VASP: variants seen among roughly 807,000 people sequenced by gnomAD.
VASP encodes vasodilator stimulated phosphoprotein.
VASP carries 27 observed loss-of-function variants against 54.4 expected under a neutral mutation model. The ratio of observed to expected loss-of-function variants is 0.50; its 90% CI spans 0.37 to 0.68. The LOEUF is 0.68. Ranked by LOEUF, VASP falls within the 30% of genes least tolerant of loss-of-function variation. The pLI is 0.00. For synonymous variants in VASP, 233 were observed against 209.8 expected (o/e 1.11, Z -0.96); for missense variants, 488 against 528.3 (o/e 0.92, Z 0.75).
rs1968969068 is a variant in VASP at position 45,526,327 on chromosome 19, G to C, written c.*150G>C. On this transcript the variant is annotated 3_prime_UTR_variant, in exon 13 of 13. Transcript: ENST00000245932. ...ATCCCACTTGGAAAACTCCAAGGGG[G>C]TGTGGCTTCCCTGCTCACACCCACA... The C allele has an allele frequency of 1.0e-6, 1 of 992,478 alleles. No individual in the cohort carries two copies. The allele number at this position is 992,478 out of a possible 1,614,324, so 61.5% of individuals were successfully genotyped here.
At position 45,524,666 on chromosome 19, in the gene VASP, T is replaced by C. The variant is rs372631889; in HGVS notation, c.1047+6T>C. On this transcript the variant is annotated splice_donor_region_variant and intron_variant, in intron 11 of 12. Transcript: ENST00000245932. ...ACCTACAGAGGGTGAAACAGGTAACTTGGGGGGGAAGTTGGGGACCACAGC... is the reference window on the plus strand; with the variant it reads ...ACCTACAGAGGGTGAAACAGGTAACCTGGGGGGGAAGTTGGGGACCACAGC... The C allele has an allele frequency of 5.6e-5, 90 of 1,613,222 alleles. No individual in the cohort carries two copies. The highest frequency in any genetic ancestry group is 4.6e-4 in the South Asian group (42 of 91,052).
Position 45,518,012 on chromosome 19 carries a change from G to A in VASP, c.261G>A (p.Gln87=). Residue 87 remains glutamine (Q), a synonymous_variant, in exon 3 of 13, where the codon CAG becomes CAA. Transcript: ENST00000245932. ...TCCATCAGTGGCGCGACGCTCGCCA[G>A]GTCTGGGGCCTCAACTTCGGCAGCA... The part of the protein sequence containing the change: ...PNFHQWRDAR[Q]VWGLNFGSKE... 1 of 1,613,998 alleles carries A rather than the reference G, an allele frequency of 6.2e-7. No individual in the cohort carries two copies. The highest frequency in any genetic ancestry group is 8.5e-7 in the Non-Finnish European group (1 of 1,179,996).
In VASP at chr19:45,526,538, T is replaced by A. The variant is rs1312760406; in HGVS notation, c.*361T>A. 3 of 180,368 alleles carry A rather than the reference T, an allele frequency of 1.7e-5. No individual in the cohort carries two copies. In the East Asian group the frequency reaches 4.2e-4, roughly 25 times the overall value. The allele number at this position is 180,368 out of a possible 1,614,324, so 11.2% of individuals were successfully genotyped here. On this transcript the variant is annotated 3_prime_UTR_variant, in exon 13 of 13. Coordinates refer to ENST00000245932, the MANE Select transcript of VASP (RefSeq NM_003370.4). ...ACTTTAACGCTTAATGCCTTCAAAG[T>A]TTTGGTTTTTTTAAGAAAAAAAAAT...
At chr19:45,509,370 G>GC (rs1291271301) in intron 1 of VASP, among the ~76,000 whole-genome samples, 2 of 148,406 alleles carry the variant, frequency 1.3e-5, no homozygotes, top group African/African-American at 2.5e-5. Flanking sequence ...CTCTCCCCTT[G>GC]CCCCCCAGCC....
chr19:45,511,104 C>T (rs1413766167), intron 1 of VASP, among the ~76,000 whole-genome samples: 1 of 152,062 alleles, frequency 6.6e-6, no homozygotes, highest in Admixed American at 6.6e-5. Context: ...AACTGAGGCC[C>T]ACCAGGAGGA....
intron 1 of VASP, among the ~76,000 whole-genome samples, chr19:45,517,151 A>G (rs1408381539): frequency 6.7e-6 from 1 of 150,096 alleles, no homozygotes; most frequent in African/African-American, 2.4e-5. Flanking sequence ...CAAAAATAAA[A>G]ATAATAATAA....
At chr19:45,517,038 G>A (rs2122306991) in intron 1 of VASP, among the ~76,000 whole-genome samples, 1 of 145,020 alleles carries the variant, frequency 6.9e-6, no homozygotes, top group South Asian at 2.2e-4. Context: ...CATGCTTGTA[G>A]TCCCAGCTAC....
At chr19:45,513,262 GTGAGGGAGTCTTGCTC>G in intron 1 of VASP, among the ~76,000 whole-genome samples, 1 of 151,874 alleles carries the variant, frequency 6.6e-6, no homozygotes, top group South Asian at 2.1e-4. Flanking sequence ...GTCTTGCTCT[GTGAGGGAGTCTTGCTC>G]TGTTGCCCAG....
intron 4 of VASP, 131 bp downstream of exon 4, chr19:45,521,537 C>CA (rs1443992717): frequency 4.9e-5 from 38 of 781,120 alleles, no homozygotes; most frequent in Non-Finnish European, 7.3e-5. Flanking sequence ...TTCTGACACT[C>CA]AGAGTTGCAG....
Position 45,523,807 on chromosome 19 carries a change from G to C in VASP, c.874-34G>C. On this transcript the variant is annotated intron_variant, in intron 8 of 12. Transcript: ENST00000245932. ...AGAGGAAATGGGCAGAGGTGTGGCAGGGGCTGGCTCATGGCAGTTTTATTT... is the reference window on the plus strand; with the variant it reads ...AGAGGAAATGGGCAGAGGTGTGGCACGGGCTGGCTCATGGCAGTTTTATTT... 3 of 1,614,078 alleles carry C rather than the reference G, an allele frequency of 1.9e-6. No homozygotes were observed. The South Asian group carries it at 3.3e-5, about 18-fold the overall frequency.
chr19:45,521,356 C>G lies in VASP; in HGVS notation c.378C>G (p.Thr126=), dbSNP rs1049799891. The change falls in exon 4 of 13, where the codon ACC becomes ACG. Residue 126 remains threonine (T), a synonymous_variant. Transcript: ENST00000245932. ...GGPPPPPALP[T]WSVPNGPSPE... Reference sequence around the variant, plus strand: ...CCCCTCCACCCCCAGCACTTCCCACCTGGTCGGTCCCGAACGGCCCCTCCC... The same window carrying G: ...CCCCTCCACCCCCAGCACTTCCCACGTGGTCGGTCCCGAACGGCCCCTCCC... The G allele has an allele frequency of 6.3e-7, 1 of 1,582,888 alleles. No individual in the cohort carries two copies. The highest frequency in any genetic ancestry group is 8.6e-7 in the Non-Finnish European group (1 of 1,164,588).
Position 45,507,891 on chromosome 19 carries a change from G to T in VASP, c.5+115G>T, listed in dbSNP as rs1165539189. 7.9e-6 allele frequency: 5 copies of T among 636,234 alleles called. No homozygotes were observed. The highest frequency in any genetic ancestry group is 1.2e-5 in the Non-Finnish European group (5 of 409,912). The allele number at this position is 636,234 out of a possible 1,614,324, so 39.4% of individuals were successfully genotyped here. ...GGAATTTGGGGACAGATCCTTGGGA[G>T]CCTCGGATTTGAGCTGAATCCCCTT... is the stretch of plus-strand genomic sequence containing the variant. On this transcript the variant is annotated intron_variant, in intron 1 of 12. Coordinates refer to ENST00000245932, the MANE Select transcript of VASP (RefSeq NM_003370.4). This position sits in a 1 kb window ranked among gnomAD's most constrained non-coding sequence, Gnocchi z 4.4.
At position 45,517,813 on chromosome 19, in the gene VASP, G is replaced by A. The variant is rs1367204658; in HGVS notation, c.156G>A (p.Arg52=). 2 of 1,613,666 alleles carry A rather than the reference G, an allele frequency of 1.2e-6. No homozygotes were observed. The highest frequency in any genetic ancestry group is 1.3e-5 in the African/African-American group (1 of 74,922). Residue 52 remains arginine, a synonymous_variant, in exon 2 of 13, where the codon CGG becomes CGA. Transcript: ENST00000245932. Reference sequence around the variant, plus strand: ...CCAATTCCTTTCGCGTCGTGGGCCGGAAGATGCAGCCCGACCAGCAGGTGC... The same window carrying A: ...CCAATTCCTTTCGCGTCGTGGGCCGAAAGATGCAGCCCGACCAGCAGGTGC... ...PTANSFRVVG[R]KMQPDQQVVI...
At chr19:45,524,344 GCGAGCCATCATCATGCCTGCA>G (rs946654963) in intron 10 of VASP, 2 of 696,560 alleles carry the variant, frequency 2.9e-6, no homozygotes, top group Admixed American at 2.4e-5. Flanking sequence ...TGAGGCCTCA[GCGAGCCATCATCATGCCTGCA>G]CTCCAGCCTG....
intron 1 of VASP, among the ~76,000 whole-genome samples, chr19:45,509,357 C>G (rs1452046209): frequency 6.6e-6 from 1 of 151,782 alleles, no homozygotes; most frequent in Non-Finnish European, 1.5e-5. Flanking sequence ...CTCCGGGACT[C>G]TTCTCTCCCC....
intron 8 of VASP, 57 bp from the exon 9 acceptor site, chr19:45,523,784 A>C (rs1968897367): frequency 6.2e-7 from 1 of 1,613,910 alleles, no homozygotes; most frequent in East Asian, 2.2e-5. Context: ...AACCTGAAAG[A>C]GGAAATGGGC....
rs1458650950 is a variant in VASP, at chr19:45,524,618, G to A, written c.1005G>A (p.Thr335=). The A allele has an allele frequency of 5.0e-6, 8 of 1,613,738 alleles. No homozygotes were observed. The highest frequency in any genetic ancestry group is 1.3e-5 in the African/African-American group (1 of 74,816). ...CCACTTCCGAGACCCAACCCTGCAC[G>A]CCCAGCTCCAGTGATTACTCGGACC... ...SVTTSETQPC[T]PSSSDYSDLQ... is the part of the protein sequence containing the mutation. Residue 335 remains threonine, a synonymous_variant, in exon 11 of 13, where the codon ACG becomes ACA. Coordinates refer to ENST00000245932, the MANE Select transcript of VASP (RefSeq NM_003370.4).
chr19:45,508,384 G>A (rs1394078356), intron 1 of VASP, among the ~76,000 whole-genome samples: 2 of 152,176 alleles, frequency 1.3e-5, no homozygotes, highest in African/African-American at 4.8e-5. Context: ...CCTGGACGCA[G>A]CCTCCAGAGT....
chr19:45,519,590 C>T lies in VASP; in HGVS notation c.343+1496C>T, dbSNP rs560594423. On this transcript the variant is annotated intron_variant, in intron 3 of 12. Coordinates refer to ENST00000245932, the MANE Select transcript of VASP (RefSeq NM_003370.4). ...CAGGCATGAGCCACTACACCCAGCCCAGTTGCTTTTTTTTTTTTTTTTTGG... is the reference window on the plus strand; with the variant it reads ...CAGGCATGAGCCACTACACCCAGCCTAGTTGCTTTTTTTTTTTTTTTTTGG... 6.5e-4 allele frequency among the ~76,000 whole-genome samples: 94 copies of T among 144,894 alleles called. 2 individuals are homozygous for T. The highest frequency in any genetic ancestry group is 2.2e-3 in the African/African-American group (87 of 39,428).
Sources: allele counts gnomAD v4.1 joint callset (sites outside exome capture counted in the v4.1 genomes callset), GRCh38; gene constraint gnomAD v4.1.1; non-coding constraint Gnocchi (gnomAD v3.1); transcripts MANE v1.5; gene names NCBI Gene and HGNC (gene_info 2026-07-23, HGNC 2026-07-21).